RPE65: variants seen among roughly 807,000 people sequenced by gnomAD.
RPE65 encodes retinoid isomerohydrolase.
In RPE65, 58 loss-of-function variants were observed where a neutral mutation model predicts 68.5. The observed-to-expected ratio is 0.85, with a 90% confidence interval of 0.69 to 1.05. The LOEUF (loss-of-function observed/expected upper bound fraction) is 1.05, where lower values mean the gene tolerates loss of function less well. RPE65 is among the 50% of genes least tolerant of loss of function. The probability of loss-of-function intolerance (pLI) is 0.00; values close to 1 mark genes in which losing one functional copy is unlikely to be tolerated. For missense variants in RPE65, 643 were observed against 629.9 expected, an observed-to-expected ratio of 1.02 and a Z score of -0.22; for synonymous variants, 220 against 222.2, an observed-to-expected ratio of 0.99 and a Z score of 0.09.
intron 3 of RPE65, 64 bp downstream of exon 3, chr1:68,446,646 T>G: frequency 1.2e-6 from 2 of 1,604,984 alleles, no homozygotes; most frequent in African/African-American, 1.3e-5. Flanking sequence ...AAAACTCACA[T>G]GGGAGGAGGA....
At position 68,429,709 on chromosome 1, in the gene RPE65, T is replaced by C. The variant is rs983787804; in HGVS notation, c.*67A>G. ...TATAGCAGGCTAAAATTGAACAGAA[T>C]TTGATTGCAGACCTGAAGCTGATTT... is the stretch of plus-strand genomic sequence containing the variant. On this transcript the variant is annotated 3_prime_UTR_variant, in exon 14 of 14. Transcript: ENST00000262340. 2 of 1,601,852 alleles carry C rather than the reference T, an allele frequency of 1.2e-6. No individual in the cohort carries two copies. The highest frequency in any genetic ancestry group is 8.5e-7 in the Non-Finnish European group (1 of 1,171,112).
chr1:68,449,253 A>T (rs538318844), intron 1 of RPE65, among the ~76,000 whole-genome samples: 70 of 152,158 alleles, frequency 4.6e-4, no homozygotes, highest in African/African-American at 1.4e-3. Context: ...ATTCACTCAT[A>T]TTATACCATA....
In RPE65 at chr1:68,447,099, A is replaced by C. The variant is rs149353114; in HGVS notation, c.95-239T>G. 3.4e-3 allele frequency among the ~76,000 whole-genome samples: 525 copies of C among 152,270 alleles called. 2 individuals are homozygous for C. Among genetic ancestry groups the C allele is most frequent in the African/African-American group, 0.011 (452 of 41,560 alleles). On this transcript the variant is annotated intron_variant, in intron 2 of 13. Coordinates refer to ENST00000262340, the MANE Select transcript of RPE65 (RefSeq NM_000329.3). ...TGGAGATGCCCCAGAGTGTGGATAA[A>C]GGGTTGGAAGGAGTGAGGGAGAAGC...
chr1:68,446,449 C>T (rs1645943842), intron 3 of RPE65, among the ~76,000 whole-genome samples: 1 of 152,168 alleles, frequency 6.6e-6, no homozygotes, highest in African/African-American at 2.4e-5. Flanking sequence ...GCCAAGGTTA[C>T]CCTCCTAGGC....
chr1:68,433,322 C>A (rs1053787852), intron 10 of RPE65, among the ~76,000 whole-genome samples: 19 of 151,896 alleles, frequency 1.3e-4, no homozygotes, highest in African/African-American at 4.6e-4. Flanking sequence ...AAGAGCCTGA[C>A]AAAAATGATC....
intron 5 of RPE65, among the ~76,000 whole-genome samples, chr1:68,441,519 T>C (rs1645902101): frequency 6.6e-6 from 1 of 152,098 alleles, no homozygotes; most frequent in Non-Finnish European, 1.5e-5. Flanking sequence ...AAATAGACTT[T>C]AGGAGAACCA....
At chr1:68,447,668 C>T (rs368412094) in intron 2 of RPE65, among the ~76,000 whole-genome samples, 2 of 151,918 alleles carry the variant, frequency 1.3e-5, no homozygotes, top group African/African-American at 4.8e-5. Context: ...GAGACCACGG[C>T]GAAACCCCGT....
At chr1:68,433,134 G>A (rs1008620243) in intron 10 of RPE65, among the ~76,000 whole-genome samples, 6 of 152,158 alleles carry the variant, frequency 3.9e-5, no homozygotes, top group Non-Finnish European at 5.9e-5. Flanking sequence ...TGTGGAGCTG[G>A]CGCTAGCAGG....
intron 5 of RPE65, among the ~76,000 whole-genome samples, chr1:68,442,209 G>T (rs187365202): frequency 1.9e-4 from 29 of 152,300 alleles, no homozygotes; most frequent in African/African-American, 5.8e-4. Flanking sequence ...GCGCCATCTA[G>T]CCCAGACTGA....
Position 68,429,908 on chromosome 1 carries a change from C to G in RPE65, c.1470G>C (p.Val490=). 1 of 1,613,624 alleles carries G rather than the reference C, an allele frequency of 6.2e-7. No homozygotes were observed. The highest frequency in any genetic ancestry group is 8.5e-7 in the Non-Finnish European group (1 of 1,179,722). The change falls in exon 14 of 14, where the codon GTG becomes GTC. Residue 490 remains valine, a synonymous_variant. Coordinates refer to ENST00000262340, the MANE Select transcript of RPE65 (RefSeq NM_000329.3). ...GCTTTTGTCCTGCTCCTGGGCTCACCACCACACTCAGAACTACACCTGTTT... is the reference window on the plus strand; with the variant it reads ...GCTTTTGTCCTGCTCCTGGGCTCACGACCACACTCAGAACTACACCTGTTT... ...EEDDGVVLSV[V]VSPGAGQKPA...
intron 2 of RPE65, 114 bp downstream of exon 2, chr1:68,448,510 T>C (rs1056744482): frequency 4.7e-5 from 44 of 929,146 alleles, no homozygotes; most frequent in Non-Finnish European, 7.5e-5. Flanking sequence ...AACCACCTGA[T>C]CCCTCTCCCT....
rs542035752 is a variant in RPE65 at position 68,438,889 on chromosome 1, G to A, written c.998+53C>T. ...AGTGCAGCAGCTCTGTAAAAACCCC[G>A]TAATTTCCAGGAACAATGGGAGGTG... On this transcript the variant is annotated intron_variant, in intron 9 of 13. Transcript: ENST00000262340. The A allele has an allele frequency of 2.7e-5, 43 of 1,611,308 alleles. 1 individual carries two copies. Among genetic ancestry groups the A allele is most frequent in the South Asian group, 2.4e-4 (22 of 90,922 alleles).
chr1:68,449,928 A>G lies in RPE65; in HGVS notation c.-23T>C. 6.2e-7 allele frequency: 1 copy of G among 1,614,106 alleles called. No individual in the cohort carries two copies. The highest frequency in any genetic ancestry group is 8.5e-7 in the Non-Finnish European group (1 of 1,179,964). Reference sequence around the variant, plus strand: ...CATTTTCTTCCAGTTCAGGATCCAGAGTTCTGGCACCAACTGCAGAATGAA... The same window carrying G: ...CATTTTCTTCCAGTTCAGGATCCAGGGTTCTGGCACCAACTGCAGAATGAA... On this transcript the variant is annotated 5_prime_UTR_variant, in exon 1 of 14. Transcript: ENST00000262340.
chr1:68,444,893 A>G lies in RPE65; in HGVS notation c.246-10T>C. On this transcript the variant is annotated splice_polypyrimidine_tract_variant and intron_variant, in intron 3 of 13. Coordinates refer to ENST00000262340, the MANE Select transcript of RPE65 (RefSeq NM_000329.3). Reference sequence around the variant, plus strand: ...ATCAGTGCGGATGAACCTGAAGGACATTGAAACATAGGGAAGAGTATAGAC... The same window carrying G: ...ATCAGTGCGGATGAACCTGAAGGACGTTGAAACATAGGGAAGAGTATAGAC... The G allele has an allele frequency of 2.5e-6, 4 of 1,612,876 alleles. No homozygotes were observed. The highest frequency in any genetic ancestry group is 3.4e-6 in the Non-Finnish European group (4 of 1,178,920).
chr1:68,437,463 C>G (rs1399369618), intron 10 of RPE65, among the ~76,000 whole-genome samples: 3 of 152,206 alleles, frequency 2.0e-5, no homozygotes, highest in Non-Finnish European at 4.4e-5. Context: ...TTCTACTACA[C>G]CATATCTAAG....
rs200570887 is a variant in RPE65 at position 68,440,835 on chromosome 1, A to G, written c.643+18T>C. On this transcript the variant is annotated intron_variant, in intron 6 of 13. Transcript: ENST00000262340. ...TATAGACACTTATTTTCAGAAGAGG[A>G]CAGATTGGTAAACTCACCTGCTTGC... 38 of 1,613,782 alleles carry G rather than the reference A, an allele frequency of 2.4e-5. No homozygotes were observed. The African/African-American group carries it at 4.4e-4, about 19-fold the overall frequency.
Position 68,448,689 on chromosome 1 carries a change from C to T in RPE65, c.29G>A (p.Gly10Asp), listed in dbSNP as rs1645960075. The change falls in exon 2 of 14, where the codon GGT becomes GAT. Residue 10 changes from glycine to aspartate, a missense_variant. By Grantham distance (94) the Gly-to-Asp change is moderately conservative (BLOSUM62 -1). Transcript: ENST00000262340. MSIQVEHPA[G>D]GYKKLFETVE... is the part of the protein sequence containing the mutation. The stretch of plus-strand genomic sequence containing the variant: ...AGTTTCAAACAGTTTCTTGTAACCA[C>T]CAGCAGGATGCTCAACCCTGAAATG... 1.2e-6 allele frequency: 2 copies of T among 1,613,512 alleles called. No individual in the cohort carries two copies. Among genetic ancestry groups the T allele is most frequent in the Admixed American group, 3.3e-5 (2 of 59,926 alleles).
At chr1:68,448,867 A>C (rs976482106) in intron 1 of RPE65, among the ~76,000 whole-genome samples, 161 bp from the exon 2 acceptor site, 15 of 60,292 alleles carry the variant, frequency 2.5e-4, no homozygotes. Flanking sequence ...TGGGGGGAGA[A>C]GCGAAGGTGA....
At chr1:68,436,073 A>G (rs76582994) in intron 10 of RPE65, among the ~76,000 whole-genome samples, 2,538 of 152,352 alleles carry the variant, frequency 0.017, 43 homozygotes, top group Middle Eastern at 0.027. Context: ...TACAGTTAGA[A>G]AAATCCTTCT....
Sources: allele counts gnomAD v4.1 joint callset (sites outside exome capture counted in the v4.1 genomes callset), GRCh38; gene constraint gnomAD v4.1.1; transcripts MANE v1.5; gene names NCBI Gene and HGNC (gene_info 2026-07-23, HGNC 2026-07-21).